PPP1R12B: variants seen among roughly 807,000 people sequenced by gnomAD.
The protein encoded by PPP1R12B is myosin phosphatase target subunit 2.
Under a neutral mutation model 126.1 loss-of-function variants are expected in PPP1R12B, and 76 were observed. That is an observed-to-expected ratio of 0.60 (90% CI 0.50 to 0.73). PPP1R12B has a LOEUF of 0.73. PPP1R12B is among the 30% of genes least tolerant of loss of function. The probability of loss-of-function intolerance (pLI) is 0.00; values close to 1 mark genes in which losing one functional copy is unlikely to be tolerated. For synonymous variants in PPP1R12B, 356 were observed against 434.7 expected (o/e 0.82, Z 2.25); for missense variants, 1,052 against 1,205.1 (o/e 0.87, Z 1.88).
At chr1:202,414,522 T>C (rs1667814737) in intron 1 of PPP1R12B, among the ~76,000 whole-genome samples, 1 of 152,196 alleles carries the variant, frequency 6.6e-6, no homozygotes, top group Non-Finnish European at 1.5e-5. Context: ...ACAGATCTTA[T>C]CAGAAAAGTG....
At chr1:202,520,333 G>A (rs1682640992) in intron 18 of PPP1R12B, among the ~76,000 whole-genome samples, 1 of 152,182 alleles carries the variant, frequency 6.6e-6, no homozygotes, top group South Asian at 2.1e-4. Context: ...CCACTAAGCT[G>A]ATGGCTGTCT....
chr1:202,364,046 C>T (rs755655803), intron 1 of PPP1R12B, among the ~76,000 whole-genome samples: 24 of 152,262 alleles, frequency 1.6e-4, no homozygotes, highest in Middle Eastern at 6.8e-3. Flanking sequence ...AGGTGTGAGC[C>T]ACCATGCCTG....
At chr1:202,569,253 CTG>C in intron 23 of PPP1R12B, 56 bp downstream of exon 23, 1 of 1,549,382 alleles carries the variant, frequency 6.5e-7, no homozygotes, top group Admixed American at 1.7e-5. Context: ...CCTGCCAAGA[CTG>C]GATATTTGAG....
intron 1 of PPP1R12B, among the ~76,000 whole-genome samples, chr1:202,373,823 T>C (rs1167214482): frequency 6.6e-6 from 1 of 152,136 alleles, no homozygotes; most frequent in African/African-American, 2.4e-5. Flanking sequence ...CAGAAAAGTG[T>C]ACATAAAACA....
At chr1:202,575,079 C>A (rs1296983630) in intron 23 of PPP1R12B, 3 of 1,613,510 alleles carry the variant, frequency 1.9e-6, no homozygotes, top group Non-Finnish European at 2.5e-6. Flanking sequence ...GGGCCCTGAC[C>A]CGAGTGGTGG....
At chr1:202,357,231 G>A (rs1245910762) in intron 1 of PPP1R12B, among the ~76,000 whole-genome samples, 2 of 152,270 alleles carry the variant, frequency 1.3e-5, no homozygotes, top group African/African-American at 4.8e-5. Flanking sequence ...AGCAGCAATA[G>A]GAAACTAATA....
At chr1:202,355,130 C>G (rs957969276) in intron 1 of PPP1R12B, among the ~76,000 whole-genome samples, 3 of 151,926 alleles carry the variant, frequency 2.0e-5, no homozygotes, top group African/African-American at 7.3e-5. Flanking sequence ...GTCTTGAACT[C>G]TTGACCTCAG....
chr1:202,583,442 A>G lies in PPP1R12B; in HGVS notation c.*2882A>G, dbSNP rs917624037. 6.6e-6 allele frequency: 1 copy of G among 152,246 alleles called. No homozygotes were observed. The highest frequency in any genetic ancestry group is 1.5e-5 in the Non-Finnish European group (1 of 68,044). The allele number at this position is 152,246 out of a possible 1,614,324, so 9.4% of individuals were successfully genotyped here. Reference sequence around the variant, plus strand: ...GTGACAAGAAATTTGCAAGCTTTTCAATCTCAGGAATACTGGATTCTATAG... The same window carrying G: ...GTGACAAGAAATTTGCAAGCTTTTCGATCTCAGGAATACTGGATTCTATAG... On this transcript the variant is annotated 3_prime_UTR_variant, in exon 24 of 24. Coordinates refer to ENST00000608999, the MANE Select transcript of PPP1R12B (RefSeq NM_002481.4).
chr1:202,559,387 A>G (rs1687292994), intron 19 of PPP1R12B, among the ~76,000 whole-genome samples: 1 of 152,186 alleles, frequency 6.6e-6, no homozygotes, highest in African/African-American at 2.4e-5. Context: ...GGATCCAACA[A>G]AATACCTTAT....
At chr1:202,375,891 G>A (rs1456886888) in intron 1 of PPP1R12B, among the ~76,000 whole-genome samples, 1 of 152,160 alleles carries the variant, frequency 6.6e-6, no homozygotes, top group African/African-American at 2.4e-5. Flanking sequence ...TTGTCATATA[G>A]TCTTATAGTT....
At chr1:202,533,266 T>C (rs1684166007) in intron 18 of PPP1R12B, among the ~76,000 whole-genome samples, 1 of 148,870 alleles carries the variant, frequency 6.7e-6, no homozygotes, top group Non-Finnish European at 1.5e-5. Context: ...CCTTGACTTA[T>C]ATGACCTTGG....
Position 202,588,752 on chromosome 1 carries a change from T to C in PPP1R12B, c.*8192T>C, listed in dbSNP as rs991626595. On this transcript the variant is annotated 3_prime_UTR_variant, in exon 24 of 24. Coordinates refer to ENST00000608999, the MANE Select transcript of PPP1R12B (RefSeq NM_002481.4). Reference sequence around the variant, plus strand: ...AGTCATGGCCACTGAGAAGGGTCTCTGGTAGTATCAAGGAATTTCCTAAAT... The same window carrying C: ...AGTCATGGCCACTGAGAAGGGTCTCCGGTAGTATCAAGGAATTTCCTAAAT... 1.3e-5 allele frequency: 2 copies of C among 151,904 alleles called. No individual in the cohort carries two copies. Among genetic ancestry groups the C allele is most frequent in the Non-Finnish European group, 2.9e-5 (2 of 68,010 alleles). 9.4% of individuals were successfully genotyped at this position (151,904 alleles called of 1,614,324 possible).
rs200603914 is a variant in PPP1R12B at position 202,575,186 on chromosome 1, G to T, written c.2863-5288G>T. The T allele has an allele frequency of 5.3e-4, 831 of 1,574,278 alleles. 1 individual carries two copies. The highest frequency in any genetic ancestry group is 3.9e-4 in the Non-Finnish European group (454 of 1,158,590). On this transcript the variant is annotated intron_variant, in intron 23 of 23. Transcript: ENST00000608999. ...CTTCCCTCCTCCACTACTCCAGGCAGGTTCAGTCTTCTTGTTAGTCCCAGA... is the reference window on the plus strand; with the variant it reads ...CTTCCCTCCTCCACTACTCCAGGCATGTTCAGTCTTCTTGTTAGTCCCAGA...
At chr1:202,492,413 TC>T (rs965991224) in intron 14 of PPP1R12B, among the ~76,000 whole-genome samples, 3 of 152,200 alleles carry the variant, frequency 2.0e-5, no homozygotes, top group African/African-American at 4.8e-5. Context: ...CTTTGGAACT[TC>T]CTTCTTCTGA....
intron 18 of PPP1R12B, among the ~76,000 whole-genome samples, chr1:202,513,808 C>T (rs971905992): frequency 6.6e-6 from 1 of 152,068 alleles, no homozygotes; most frequent in South Asian, 2.1e-4. Flanking sequence ...TAAGGAGGGC[C>T]ACTGCTATGA....
intron 1 of PPP1R12B, among the ~76,000 whole-genome samples, chr1:202,398,681 T>G (rs1441366675): frequency 6.6e-6 from 1 of 152,206 alleles, no homozygotes; most frequent in African/African-American, 2.4e-5. Flanking sequence ...ATAGCTTGCC[T>G]GGCAGAAGTC....
chr1:202,448,970 G>A lies in PPP1R12B; in HGVS notation c.1668-19G>A, dbSNP rs371888699. ...ATGCCTAACCATTTCCTTTCTGCTT[G>A]TATCTTTTTAAATTTCAGGACTCCT... On this transcript the variant is annotated intron_variant, in intron 12 of 23. Coordinates refer to ENST00000608999, the MANE Select transcript of PPP1R12B (RefSeq NM_002481.4). 8.7e-6 allele frequency: 14 copies of A among 1,611,828 alleles called. No individual in the cohort carries two copies. Among genetic ancestry groups the A allele is most frequent in the Non-Finnish European group, 1.1e-5 (13 of 1,178,126 alleles).
In PPP1R12B at chr1:202,557,936, A is replaced by G. The variant is rs2149000780; in HGVS notation, c.2491-941A>G. 1.3e-5 allele frequency among the ~76,000 whole-genome samples: 2 copies of G among 152,294 alleles called. 1 individual carries two copies. The highest frequency in any genetic ancestry group is 4.1e-4 in the South Asian group (2 of 4,828). ...GTTGTTTGACAAACCAGTGGCTTCCAGGGACTGTTTAATGCAAAGCAGTGT... is the reference window on the plus strand; with the variant it reads ...GTTGTTTGACAAACCAGTGGCTTCCGGGGACTGTTTAATGCAAAGCAGTGT... On this transcript the variant is annotated intron_variant, in intron 18 of 23. Coordinates refer to ENST00000608999, the MANE Select transcript of PPP1R12B (RefSeq NM_002481.4).
intron 13 of PPP1R12B, among the ~76,000 whole-genome samples, chr1:202,482,870 G>T (rs1260041136): frequency 6.6e-6 from 1 of 152,200 alleles, no homozygotes; most frequent in African/African-American, 2.4e-5. Flanking sequence ...TAGTTCCATA[G>T]TTTTGGGTTT....
Sources: allele counts gnomAD v4.1 joint callset (sites outside exome capture counted in the v4.1 genomes callset), GRCh38; gene constraint gnomAD v4.1.1; transcripts MANE v1.5; gene names NCBI Gene and HGNC (gene_info 2026-07-23, HGNC 2026-07-21).